The following ARIH2 variants were observed in gnomAD, a reference collection of about 807,000 sequenced individuals.
ARIH2 encodes E3 ubiquitin-protein ligase ARIH2.
Under a neutral mutation model 79.8 loss-of-function variants are expected in ARIH2, and 12 were observed. The observed-to-expected ratio is 0.15, with a 90% confidence interval of 0.10 to 0.24. ARIH2 has a LOEUF of 0.24. ARIH2 is among the 10% of genes least tolerant of loss of function. ARIH2 has a pLI of 1.00. For missense variants in ARIH2, 301 were observed against 618.3 expected (o/e 0.49, Z 5.44); for synonymous variants, 224 against 213.9 (o/e 1.05, Z -0.41).
chr3:48,932,275 A>G (rs1222461871), intron 3 of ARIH2, among the ~76,000 whole-genome samples: 2 of 152,200 alleles, frequency 1.3e-5, no homozygotes, highest in Non-Finnish European at 2.9e-5. Flanking sequence ...ACTATCCTAC[A>G]CAAATCACAA....
chr3:48,932,092 G>A (rs1185087881), intron 3 of ARIH2, among the ~76,000 whole-genome samples: 1 of 152,184 alleles, frequency 6.6e-6, no homozygotes, highest in Non-Finnish European at 1.5e-5. Context: ...GTAACTTCCT[G>A]TATATGTTCT....
rs1393401485 is a variant in ARIH2, at chr3:48,968,517, T to C, written c.539-17T>C. 3.7e-6 allele frequency: 6 copies of C among 1,604,522 alleles called. No individual in the cohort carries two copies. Among genetic ancestry groups the C allele is most frequent in the Non-Finnish European group, 5.1e-6 (6 of 1,173,516 alleles). ...AGCTATCGCACCTGGCCCCATCAGG[T>C]TGTTTTTGTTCAACAGGAGTCTCTT... On this transcript the variant is annotated splice_polypyrimidine_tract_variant and intron_variant, in intron 6 of 15. Transcript: ENST00000356401.
rs1307770539 is a variant in ARIH2, at chr3:48,968,521, T to C, written c.539-13T>C. 6.2e-7 allele frequency: 1 copy of C among 1,605,906 alleles called. No individual in the cohort carries two copies. Among genetic ancestry groups the C allele is most frequent in the Non-Finnish European group, 8.5e-7 (1 of 1,174,332 alleles). ...ATCGCACCTGGCCCCATCAGGTTGT[T>C]TTTGTTCAACAGGAGTCTCTTGCAT... On this transcript the variant is annotated splice_polypyrimidine_tract_variant and intron_variant, in intron 6 of 15. Transcript: ENST00000356401.
chr3:48,919,009 G>C lies in ARIH2; in HGVS notation c.-162+11G>C. On this transcript the variant is annotated intron_variant, in intron 1 of 15. Coordinates refer to ENST00000356401, the MANE Select transcript of ARIH2 (RefSeq NM_006321.4). ...AGGCCGCAGCTCCCGGTAAGTGCGCGGCGCACGTCACGGCCTTGTTTACCT... is the reference window on the plus strand; with the variant it reads ...AGGCCGCAGCTCCCGGTAAGTGCGCCGCGCACGTCACGGCCTTGTTTACCT... The C allele has an allele frequency of 4.2e-6, 6 of 1,435,952 alleles. No homozygotes were observed. Among genetic ancestry groups the C allele is most frequent in the Non-Finnish European group, 5.5e-6 (6 of 1,100,682 alleles). 89.0% of individuals were successfully genotyped at this position (1,435,952 alleles called of 1,614,324 possible).
chr3:48,973,710 G>A lies in ARIH2; in HGVS notation c.782G>A (p.Arg261His), dbSNP rs980773694. 3.7e-6 allele frequency: 6 copies of A among 1,612,792 alleles called. No homozygotes were observed. The highest frequency in any genetic ancestry group is 1.7e-5 in the Admixed American group (1 of 59,886). The change falls in exon 9 of 16, where the codon CGT becomes CAT. Residue 261 changes from arginine (R) to histidine (H), a missense_variant. Around this residue, in one of 2 missense-constraint regions of ARIH2, gnomAD observed 223 missense variants for 349.4 expected, o/e 0.64. Coordinates refer to ENST00000356401, the MANE Select transcript of ARIH2 (RefSeq NM_006321.4). Reference protein sequence around the residue: ...RCNEVFCFKCRQMYHAPTDCA... With the variant: ...RCNEVFCFKCHQMYHAPTDCA... ...TTTCCAATTTTAAGTTTCAAGTGTC[G>A]TCAGATGTATCACGCACCCACAGAC... is the stretch of plus-strand genomic sequence containing the variant.
chr3:48,977,677 G>A (rs985376020), intron 11 of ARIH2, among the ~76,000 whole-genome samples: 2 of 152,134 alleles, frequency 1.3e-5, no homozygotes, highest in Admixed American at 6.5e-5. Flanking sequence ...CATGCTGGTT[G>A]TGAACTCCTG....
chr3:48,943,682 G>T (rs976355362), intron 3 of ARIH2: 1 of 152,160 alleles, frequency 6.6e-6, no homozygotes, highest in African/African-American at 2.4e-5. Context: ...GCAAAAAGGG[G>T]TAGCTAAGGA....
chr3:48,940,808 A>AAAAAAAAAAAAAAAAAATATATAT (rs759369585), intron 3 of ARIH2, among the ~76,000 whole-genome samples: 2 of 98,048 alleles, frequency 2.0e-5, no homozygotes, highest in African/African-American at 8.2e-5. Flanking sequence ...AAAAAAAAAA[A>AAAAAAAAAAAAAAAAAATATATAT]ATATATATAT....
intron 3 of ARIH2, among the ~76,000 whole-genome samples, chr3:48,956,873 A>G (rs928766820): frequency 1.3e-5 from 2 of 151,796 alleles, no homozygotes; most frequent in African/African-American, 4.8e-5. Flanking sequence ...CGCCCAGCTA[A>G]TTCTTGTATT....
intron 13 of ARIH2, 140 bp from the exon 14 acceptor site, chr3:48,981,520 G>T: frequency 1.8e-6 from 1 of 548,702 alleles, no homozygotes; most frequent in East Asian, 3.2e-5. Context: ...CCTCTATTTG[G>T]CCTAGTATCA....
intron 3 of ARIH2, among the ~76,000 whole-genome samples, chr3:48,948,703 G>T (rs931258153): frequency 6.6e-6 from 1 of 152,142 alleles, no homozygotes; most frequent in Non-Finnish European, 1.5e-5. Context: ...AAATTCCCGT[G>T]TTCATTTATA....
chr3:48,972,354 G>C lies in ARIH2; in HGVS notation c.771-1345G>C, dbSNP rs1049121931. On this transcript the variant is annotated intron_variant, in intron 8 of 15. Transcript: ENST00000356401. Reference sequence around the variant, plus strand: ...TTTAAATTTGTTGTAGGGGCCAAGTGTGGTGGCTCACACCTGTGACCCCAG... The same window carrying C: ...TTTAAATTTGTTGTAGGGGCCAAGTCTGGTGGCTCACACCTGTGACCCCAG... Among the ~76,000 whole-genome samples the C allele has an allele frequency of 6.6e-5, 10 of 152,204 alleles. 1 individual carries two copies. The highest frequency in any genetic ancestry group is 2.6e-4 in the Admixed American group (4 of 15,286).
Position 48,927,480 on chromosome 3 carries a change from C to A in ARIH2, c.-79C>A. 1.3e-6 allele frequency: 2 copies of A among 1,521,442 alleles called. No homozygotes were observed. Among genetic ancestry groups the A allele is most frequent in the East Asian group, 2.3e-5 (1 of 44,332 alleles). The allele number at this position is 1,521,442 out of a possible 1,614,324, so 94.2% of individuals were successfully genotyped here. On this transcript the variant is annotated 5_prime_UTR_variant, in exon 3 of 16. Transcript: ENST00000356401. ...CCCTTAGAAGACAAAAATACTAATGCATTTGAGAAAGCGGTAGTTTTGGGG... is the reference window on the plus strand; with the variant it reads ...CCCTTAGAAGACAAAAATACTAATGAATTTGAGAAAGCGGTAGTTTTGGGG...
At chr3:48,929,309 A>G (rs187243447) in intron 3 of ARIH2, among the ~76,000 whole-genome samples, 1 of 150,334 alleles carries the variant, frequency 6.7e-6, no homozygotes, top group Non-Finnish European at 1.5e-5. Context: ...GGGCCCAAGC[A>G]CCTGTCCGTC....
intron 3 of ARIH2, among the ~76,000 whole-genome samples, chr3:48,942,570 C>G (rs1194942805): frequency 6.6e-6 from 1 of 151,402 alleles, no homozygotes; most frequent in Non-Finnish European, 1.5e-5. Context: ...CCTCCGCCTC[C>G]CCGGTTTAAG....
chr3:48,973,690 A>G lies in ARIH2; in HGVS notation c.771-9A>G. On this transcript the variant is annotated splice_polypyrimidine_tract_variant and intron_variant, in intron 8 of 15. Coordinates refer to ENST00000356401, the MANE Select transcript of ARIH2 (RefSeq NM_006321.4). The stretch of plus-strand genomic sequence containing the variant: ...GAATATTTGAATGTTTTTCTTTTCC[A>G]ATTTTAAGTTTCAAGTGTCGTCAGA... 1 of 1,605,936 alleles carries G rather than the reference A, an allele frequency of 6.2e-7. No individual in the cohort carries two copies.
Position 48,982,952 on chromosome 3 carries a change from G to A in ARIH2, c.1383G>A (p.Val461=). ...EAEIENLSWK[V]ERADSYDRGD... ...AGATCGAAAACCTCTCATGGAAAGT[G>A]GAGCGTGCAGACAGCTATGACAGAG... Residue 461 remains valine, a synonymous_variant, in exon 15 of 16, where the codon GTG becomes GTA. Coordinates refer to ENST00000356401, the MANE Select transcript of ARIH2 (RefSeq NM_006321.4). 1 of 1,614,218 alleles carries A rather than the reference G, an allele frequency of 6.2e-7. No individual in the cohort carries two copies. The highest frequency in any genetic ancestry group is 8.5e-7 in the Non-Finnish European group (1 of 1,180,042).
intron 3 of ARIH2, chr3:48,943,141 C>T (rs2088584215): frequency 6.6e-6 from 1 of 152,122 alleles, no homozygotes; most frequent in Non-Finnish European, 1.5e-5. Flanking sequence ...CCCTCCTTTA[C>T]TTCTACTTTT....
intron 9 of ARIH2, among the ~76,000 whole-genome samples, chr3:48,974,179 T>G (rs758342720): frequency 6.6e-6 from 1 of 152,196 alleles, no homozygotes; most frequent in Non-Finnish European, 1.5e-5. Context: ...AGCCCAGACC[T>G]GCACGATACT....
Sources: allele counts gnomAD v4.1 joint callset (sites outside exome capture counted in the v4.1 genomes callset), GRCh38; gene constraint gnomAD v4.1.1; regional missense constraint gnomAD v4.1.1; transcripts MANE v1.5; gene names NCBI Gene and HGNC (gene_info 2026-07-23, HGNC 2026-07-21).